Variants in RAP1B observed in about 807,000 individuals in gnomAD.
RAP1B encodes the protein ras-related protein Rap-1b.
RAP1B carries 1 observed loss-of-function variant against 27.5 expected under a neutral mutation model. The ratio of observed to expected loss-of-function variants is 0.04; its 90% CI spans 0.01 to 0.17. The LOEUF (loss-of-function observed/expected upper bound fraction) is 0.17. RAP1B is among the 10% of genes least tolerant of loss of function. The probability of loss-of-function intolerance (pLI) is 1.00; values close to 1 mark genes in which losing one functional copy is unlikely to be tolerated. For synonymous variants in RAP1B, 75 were observed against 73.1 expected, an observed-to-expected ratio of 1.03 and a Z score of -0.13; for missense variants, 84 against 214.8, an observed-to-expected ratio of 0.39 and a Z score of 3.81.
intron 5 of RAP1B, among the ~76,000 whole-genome samples, chr12:68,656,069 G>A (rs796474471): frequency 3.3e-5 from 5 of 152,104 alleles, no homozygotes; most frequent in South Asian, 4.1e-4. Flanking sequence ...TCCCTTTGGA[G>A]TTATCGTTTG....
chr12:68,654,904 CAG>C (rs935250263), intron 5 of RAP1B, among the ~76,000 whole-genome samples: 1 of 152,128 alleles, frequency 6.6e-6, no homozygotes, highest in African/African-American at 2.4e-5. Flanking sequence ...CCAGTTAAAA[CAG>C]ATTGCTGGGC....
chr12:68,657,084 A>G lies in RAP1B; in HGVS notation c.469-17A>G. 1 of 1,605,790 alleles carries G rather than the reference A, an allele frequency of 6.2e-7. No individual in the cohort carries two copies. Among genetic ancestry groups the G allele is most frequent in the East Asian group, 2.2e-5 (1 of 44,822 alleles). ...GGTGTTCCTCCTGTAAATTAAAACA[A>G]ATTATTGTATTTGCAGATCTTTTAT... On this transcript the variant is annotated splice_polypyrimidine_tract_variant and intron_variant, in intron 6 of 7. Coordinates refer to ENST00000250559, the MANE Select transcript of RAP1B (RefSeq NM_001010942.3).
intron 2 of RAP1B, 86 bp downstream of exon 2, chr12:68,648,867 T>C: frequency 8.1e-7 from 1 of 1,227,802 alleles, no homozygotes; most frequent in Non-Finnish European, 1.1e-6. Flanking sequence ...TTGTCTTTGT[T>C]AAGATAAAAT....
chr12:68,613,068 G>T lies in RAP1B; in HGVS notation c.-27+2025G>T, dbSNP rs560675229. 1.1e-4 allele frequency among the ~76,000 whole-genome samples: 17 copies of T among 152,236 alleles called. 1 individual carries two copies. The highest frequency in any genetic ancestry group is 1.0e-3 in the Admixed American group (16 of 15,288). Reference sequence around the variant, plus strand: ...TGTTGTATGGGGCATGAAAATGATTGCTCTGGCTGGGCGTGGTGGTTTACG... The same window carrying T: ...TGTTGTATGGGGCATGAAAATGATTTCTCTGGCTGGGCGTGGTGGTTTACG... On this transcript the variant is annotated intron_variant, in intron 1 of 7. Coordinates refer to ENST00000250559, the MANE Select transcript of RAP1B (RefSeq NM_001010942.3).
intron 1 of RAP1B, among the ~76,000 whole-genome samples, chr12:68,612,944 G>A (rs2135904179): frequency 6.6e-6 from 1 of 152,340 alleles, no homozygotes; most frequent in South Asian, 2.1e-4. Flanking sequence ...AAGTCCTAAA[G>A]TAAATCATTG....
intron 7 of RAP1B, 188 bp downstream of exon 7, chr12:68,657,405 C>T (rs182692572): frequency 3.8e-4 from 153 of 405,258 alleles, no homozygotes; most frequent in African/African-American, 1.6e-3. Flanking sequence ...AAGTATTTCA[C>T]ATAAGTATTC....
chr12:68,671,812 T>G lies in RAP1B; in HGVS notation c.*12563T>G, dbSNP rs1486701789. 1 of 152,098 alleles carries G rather than the reference T, an allele frequency of 6.6e-6. No homozygotes were observed. Among genetic ancestry groups the G allele is most frequent in the Admixed American group, 6.5e-5 (1 of 15,272 alleles). The allele number at this position is 152,098 out of a possible 1,614,324, so 9.4% of individuals were successfully genotyped here. On this transcript the variant is annotated 3_prime_UTR_variant, in exon 8 of 8. Transcript: ENST00000250559. Reference sequence around the variant, plus strand: ...TTCTGGAATATAAAAAAAAAAGCTATATGAATGTCATCATTATATGTAAAA... The same window carrying G: ...TTCTGGAATATAAAAAAAAAAGCTAGATGAATGTCATCATTATATGTAAAA...
chr12:68,626,442 G>A (rs751006753), intron 1 of RAP1B, among the ~76,000 whole-genome samples: 2 of 152,094 alleles, frequency 1.3e-5, no homozygotes, highest in African/African-American at 2.4e-5. Flanking sequence ...ATTATAGGGC[G>A]TTTTTGATGG....
chr12:68,622,008 T>G (rs1796021937), intron 1 of RAP1B, among the ~76,000 whole-genome samples: 2 of 152,210 alleles, frequency 1.3e-5, no homozygotes, highest in Non-Finnish European at 2.9e-5. Context: ...AGGTATTTGT[T>G]TTAAGTAGTT....
chr12:68,656,640 C>T (rs889842888), intron 6 of RAP1B, 191 bp downstream of exon 6: 5 of 602,526 alleles, frequency 8.3e-6, no homozygotes, highest in Non-Finnish European at 1.4e-5. Flanking sequence ...CTATTAAATA[C>T]TTGTACATTG....
At chr12:68,646,659 A>T (rs1364746005) in intron 1 of RAP1B, among the ~76,000 whole-genome samples, 2 of 152,104 alleles carry the variant, frequency 1.3e-5, no homozygotes, top group East Asian at 3.9e-4. Context: ...AGTCAGTCCC[A>T]CTCTCACTCC....
Position 68,623,689 on chromosome 12 carries a change from T to A in RAP1B, c.-27+12646T>A, listed in dbSNP as rs192497417. Among the ~76,000 whole-genome samples, 514 of 152,360 alleles carry A rather than the reference T, an allele frequency of 3.4e-3. 3 individuals carry two copies. The highest frequency in any genetic ancestry group is 0.011 in the African/African-American group (472 of 41,582). On this transcript the variant is annotated intron_variant, in intron 1 of 7. Coordinates refer to ENST00000250559, the MANE Select transcript of RAP1B (RefSeq NM_001010942.3). The stretch of plus-strand genomic sequence containing the variant: ...TGCCACCAACATAGTTATAGAACTT[T>A]GAGTTTTCAGAGATTTTAGGATTTC...
At chr12:68,627,269 A>G (rs1871866454) in intron 1 of RAP1B, 1 of 940,218 alleles carries the variant, frequency 1.1e-6, no homozygotes, top group East Asian at 2.4e-5. Flanking sequence ...AACCCATACA[A>G]TACAACACAC....
At chr12:68,634,697 G>T (rs1314804511) in intron 1 of RAP1B, among the ~76,000 whole-genome samples, 1 of 151,674 alleles carries the variant, frequency 6.6e-6, no homozygotes, top group Non-Finnish European at 1.5e-5. Context: ...TGGTTCTTCT[G>T]CATTTGTCAG....
At chr12:68,641,241 T>G (rs1260576439) in intron 1 of RAP1B, 1 of 152,228 alleles carries the variant, frequency 6.6e-6, no homozygotes, top group African/African-American at 2.4e-5. Flanking sequence ...GAACTCCTCC[T>G]GAGTTAAAGC....
chr12:68,648,920 T>A, intron 2 of RAP1B, 139 bp downstream of exon 2: 1 of 752,476 alleles, frequency 1.3e-6, no homozygotes, highest in Non-Finnish European at 2.1e-6. Flanking sequence ...TTCTTGTAAT[T>A]TTATTCAACT....
chr12:68,613,189 G>A (rs915058150), intron 1 of RAP1B, among the ~76,000 whole-genome samples: 6 of 151,950 alleles, frequency 3.9e-5, no homozygotes, highest in African/African-American at 1.2e-4. Flanking sequence ...GTGAAACCCC[G>A]TCTTTACTAA....
In RAP1B at chr12:68,663,645, T is replaced by C. The variant is rs1874724042; in HGVS notation, c.*4396T>C. Reference sequence around the variant, plus strand: ...AAAGTATTCCATGTTACACACATTTTAAACTTGCTTCTTAAAACATCCCTG... The same window carrying C: ...AAAGTATTCCATGTTACACACATTTCAAACTTGCTTCTTAAAACATCCCTG... On this transcript the variant is annotated 3_prime_UTR_variant, in exon 8 of 8. Transcript: ENST00000250559. The C allele has an allele frequency of 6.6e-6, 1 of 152,248 alleles. No individual in the cohort carries two copies. Among genetic ancestry groups the C allele is most frequent in the Admixed American group, 6.5e-5 (1 of 15,286 alleles). 9.4% of individuals were successfully genotyped at this position (152,248 alleles called of 1,614,324 possible). A position where few individuals can be genotyped will look rare whatever the true frequency, so the allele number is the denominator to read the frequency against.
chr12:68,645,957 A>G (rs1027904312), intron 1 of RAP1B, among the ~76,000 whole-genome samples: 4 of 152,206 alleles, frequency 2.6e-5, no homozygotes, highest in African/African-American at 9.7e-5. Flanking sequence ...TTTAATCAAC[A>G]GTAATAAATA....
Sources: allele counts gnomAD v4.1 joint callset (sites outside exome capture counted in the v4.1 genomes callset), GRCh38; gene constraint gnomAD v4.1.1; transcripts MANE v1.5; gene names NCBI Gene and HGNC (gene_info 2026-07-23, HGNC 2026-07-21).